AFG2B: variants seen among roughly 807,000 people sequenced by gnomAD.
AFG2B encodes ATPase family gene 2 protein homolog B.
At chr15:45,421,061 C>T in the AFG2B span, 1 of 1,610,384 alleles carries the variant, frequency 6.2e-7, no homozygotes, top group African/African-American at 1.3e-5. Context: ...GCTGGCTCTG[C>T]AAGAAAATGG....
the AFG2B span, chr15:45,414,824 TATTTC>T: frequency 6.5e-7 from 1 of 1,534,644 alleles, no homozygotes; most frequent in East Asian, 2.3e-5. Flanking sequence ...TTTGAATTTT[TATTTC>T]ATTTCTTATG....
At chr15:45,410,726 C>T in the AFG2B span, among the ~76,000 whole-genome samples, 2 of 152,002 alleles carry the variant, frequency 1.3e-5, no homozygotes, top group Non-Finnish European at 2.9e-5. Flanking sequence ...TTATAATTTC[C>T]CACCTCGACC....
the AFG2B span, chr15:45,410,496 G>C: frequency 6.2e-7 from 1 of 1,611,968 alleles, no homozygotes; most frequent in Middle Eastern, 1.7e-4. Flanking sequence ...GAGGAGATTG[G>C]TGGCCTTGAA....
the AFG2B span, among the ~76,000 whole-genome samples, chr15:45,404,807 CAAAA>C: frequency 1.1e-5 from 1 of 93,950 alleles, no homozygotes; most frequent in African/African-American, 3.2e-5. Context: ...AACTGTGTCT[CAAAA>C]AAAAAAAAAA....
chr15:45,402,739 T>C, the AFG2B span: 61 of 1,566,928 alleles, frequency 3.9e-5, no homozygotes, highest in Non-Finnish European at 4.8e-5. Context: ...CCTAGTGCCC[T>C]GTCCGCCCCT....
the AFG2B span, among the ~76,000 whole-genome samples, chr15:45,410,785 G>A: frequency 4.6e-5 from 7 of 152,128 alleles, no homozygotes; most frequent in Admixed American, 4.6e-4. Flanking sequence ...GCTGGGTGTG[G>A]TGGCTTATGT....
At chr15:45,405,400 T>C in the AFG2B span, 8 of 1,614,050 alleles carry the variant, frequency 5.0e-6, no homozygotes, top group African/African-American at 1.3e-5. Flanking sequence ...TCTCCAGTCA[T>C]GTTGATTTGG....
the AFG2B span, among the ~76,000 whole-genome samples, chr15:45,420,203 A>G: frequency 6.6e-6 from 1 of 152,210 alleles, no homozygotes; most frequent in Non-Finnish European, 1.5e-5. Flanking sequence ...GTATATGAAT[A>G]TTCTACATTT....
the AFG2B span, chr15:45,415,900 A>C: frequency 8.7e-6 from 8 of 921,312 alleles, no homozygotes; most frequent in Non-Finnish European, 1.3e-5. Flanking sequence ...AATTCATCTC[A>C]TAGAAGGATT....
At chr15:45,403,818 C>T in the AFG2B span, among the ~76,000 whole-genome samples, 3 of 152,144 alleles carry the variant, frequency 2.0e-5, no homozygotes, top group African/African-American at 7.2e-5. Context: ...TTTTGTTGTG[C>T]AGGTCCTATA....
chr15:45,414,745 C>T, the AFG2B span: 1 of 1,614,094 alleles, frequency 6.2e-7, no homozygotes, highest in Non-Finnish European at 8.5e-7. Flanking sequence ...TCTGTTTTCA[C>T]CGTTTGTTGG....
At chr15:45,403,695 C>G in the AFG2B span, among the ~76,000 whole-genome samples, 131 of 152,240 alleles carry the variant, frequency 8.6e-4, no homozygotes, top group African/African-American at 2.9e-3. Flanking sequence ...GAGTCAGGAC[C>G]TGTATTTCCC....
At chr15:45,402,849 A>G in the AFG2B span, 6 of 1,598,446 alleles carry the variant, frequency 3.8e-6, no homozygotes, top group Non-Finnish European at 5.1e-6. Flanking sequence ...AGCTGCTGAG[A>G]AACCGACCGA....
chr15:45,414,545 ACTCTT>A, the AFG2B span: 29 of 1,601,946 alleles, frequency 1.8e-5, no homozygotes, highest in Non-Finnish European at 2.3e-5. Flanking sequence ...TACTAAAACA[ACTCTT>A]CTCTTTTTGT....
chr15:45,403,393 G>T, the AFG2B span: 3 of 1,610,744 alleles, frequency 1.9e-6, no homozygotes, highest in Non-Finnish European at 2.5e-6. Context: ...GAGCCGCGTA[G>T]TGGCCCAGGT....
the AFG2B span, chr15:45,414,477 G>A: frequency 1.7e-6 from 2 of 1,177,114 alleles, no homozygotes; most frequent in African/African-American, 3.0e-5. Context: ...ATAATAGGAG[G>A]CTGAGAATTG....
chr15:45,419,350 T>C, the AFG2B span, among the ~76,000 whole-genome samples: 1 of 151,886 alleles, frequency 6.6e-6, no homozygotes, highest in East Asian at 1.9e-4. Flanking sequence ...TAGTCCCAGC[T>C]ACTTGGGAGG....
the AFG2B span, chr15:45,410,263 C>T: frequency 1.6e-6 from 2 of 1,266,034 alleles, no homozygotes; most frequent in Non-Finnish European, 2.2e-6. Flanking sequence ...ATAATGATAA[C>T]AAAATAACTT....
chr15:45,414,622 A>G, the AFG2B span: 3 of 1,614,010 alleles, frequency 1.9e-6, no homozygotes, highest in Non-Finnish European at 1.7e-6. Context: ...AATGGGCCTG[A>G]CACAACCAAA....
Sources: gnomAD v4.1 joint callset for allele counts (sites outside exome capture counted in the v4.1 genomes callset) on GRCh38, gnomAD v4.1.1 for gene constraint, MANE v1.5 for transcripts, NCBI Gene and HGNC (gene_info 2026-07-23, HGNC 2026-07-21) for gene names.